DSCAM: variants seen among roughly 807,000 people sequenced by gnomAD.
DSCAM encodes DS cell adhesion molecule.
A neutral mutation model predicts 217.7 loss-of-function variants in DSCAM; 47 were observed. That is an observed-to-expected ratio of 0.22 (90% CI 0.17 to 0.28). DSCAM has a LOEUF of 0.28. Among genes scored for constraint, DSCAM ranks in the 10% least tolerant of loss-of-function variants. The pLI is 1.00. For missense variants in DSCAM, 2,080 were observed against 2,618.3 expected (o/e 0.79, Z 4.49); for synonymous variants, 1,056 against 1,015.3 (o/e 1.04, Z -0.76).
intron 11 of DSCAM, among the ~76,000 whole-genome samples, chr21:40,266,671 A>ATATATATATATATAT (rs1555896542): frequency 8.6e-6 from 1 of 115,930 alleles, no homozygotes; most frequent in Non-Finnish European, 1.7e-5. Context: ...ATATATATAT[A>ATATATATATATATAT]ATCTTGAAAT....
intron 3 of DSCAM, among the ~76,000 whole-genome samples, chr21:40,633,198 T>C (rs1050311000): frequency 2.6e-5 from 4 of 152,232 alleles, no homozygotes; most frequent in African/African-American, 7.2e-5. Flanking sequence ...TTCCAACCAA[T>C]GTGATACTTG....
chr21:40,189,018 G>C, intron 12 of DSCAM, 24 bp downstream of exon 12: 1 of 1,608,266 alleles, frequency 6.2e-7, no homozygotes, highest in African/African-American at 1.3e-5. Flanking sequence ...TCATTCCATT[G>C]TGTTGTATTT....
At chr21:40,375,011 T>G (rs1035358646) in intron 3 of DSCAM, among the ~76,000 whole-genome samples, 1 of 152,240 alleles carries the variant, frequency 6.6e-6, no homozygotes, top group Non-Finnish European at 1.5e-5. Context: ...ACTCAGGGAC[T>G]TTCCCCAAAA....
intron 3 of DSCAM, among the ~76,000 whole-genome samples, chr21:40,412,381 G>C (rs1287510249): frequency 2.6e-5 from 4 of 152,214 alleles, no homozygotes; most frequent in African/African-American, 9.7e-5. Context: ...GAACTCCCTA[G>C]AGCCTAGTTG....
intron 1 of DSCAM, among the ~76,000 whole-genome samples, chr21:40,739,968 T>A (rs1337276697): frequency 7.4e-6 from 1 of 134,732 alleles, no homozygotes; most frequent in African/African-American, 2.8e-5. Context: ...TTTTTTTTTT[T>A]TTTTTTTTTT....
chr21:40,750,629 A>G (rs2091218431), intron 1 of DSCAM, among the ~76,000 whole-genome samples: 1 of 151,810 alleles, frequency 6.6e-6, no homozygotes, highest in South Asian at 2.1e-4. Context: ...AAACTTCTAC[A>G]CCCAACTGCC....
chr21:40,561,373 G>GTGTA (rs2076719372), intron 3 of DSCAM, among the ~76,000 whole-genome samples: 2 of 152,194 alleles, frequency 1.3e-5, no homozygotes, highest in Admixed American at 1.3e-4. Flanking sequence ...AGATTCCTGT[G>GTGTA]TGTATGCTGA....
At chr21:40,089,586 T>C (rs1464897298) in intron 21 of DSCAM, among the ~76,000 whole-genome samples, 1 of 152,210 alleles carries the variant, frequency 6.6e-6, no homozygotes, top group Non-Finnish European at 1.5e-5. Context: ...ATCTGAATTT[T>C]GGACCCTGCT....
intron 3 of DSCAM, among the ~76,000 whole-genome samples, chr21:40,394,719 G>T (rs542400226): frequency 6.6e-6 from 1 of 152,168 alleles, no homozygotes. Flanking sequence ...CCTTGATCTT[G>T]GGCTGAGGTT....
chr21:40,046,843 C>T (rs1032711489), intron 30 of DSCAM, among the ~76,000 whole-genome samples: 4 of 151,778 alleles, frequency 2.6e-5, no homozygotes, highest in African/African-American at 9.7e-5. Flanking sequence ...TCCCCCAAAC[C>T]TTGACCCTCA....
chr21:40,669,840 A>C (rs763792183), intron 3 of DSCAM, among the ~76,000 whole-genome samples: 4 of 152,074 alleles, frequency 2.6e-5, no homozygotes, highest in Non-Finnish European at 5.9e-5. Context: ...CAAAGTGCTG[A>C]GATTACAGGC....
At chr21:40,745,337 G>T (rs1427037952) in intron 1 of DSCAM, among the ~76,000 whole-genome samples, 2 of 152,106 alleles carry the variant, frequency 1.3e-5, no homozygotes, top group Non-Finnish European at 2.9e-5. Context: ...AACCCAAAGA[G>T]AAATTAACCA....
intron 1 of DSCAM, among the ~76,000 whole-genome samples, chr21:40,764,870 T>C (rs1158964646): frequency 6.6e-6 from 1 of 152,072 alleles, no homozygotes; most frequent in African/African-American, 2.4e-5. Flanking sequence ...AAACACCACA[T>C]GTTCTCACTC....
chr21:40,442,470 T>C (rs2837626), intron 3 of DSCAM, among the ~76,000 whole-genome samples: 33,301 of 148,714 alleles, frequency 0.22, 3,797 homozygotes, highest in Admixed American at 0.28. Flanking sequence ...TATTCAATAA[T>C]TTATAAAAAG....
chr21:40,121,470 C>A (rs1230682413), intron 20 of DSCAM, among the ~76,000 whole-genome samples: 1 of 151,960 alleles, frequency 6.6e-6, no homozygotes, highest in Non-Finnish European at 1.5e-5. Flanking sequence ...GTTTTTAGTT[C>A]ACTTCACTTC....
chr21:40,490,779 A>T (rs2076070461), intron 3 of DSCAM, among the ~76,000 whole-genome samples: 1 of 152,238 alleles, frequency 6.6e-6, no homozygotes, highest in African/African-American at 2.4e-5. Flanking sequence ...TGGACATGAA[A>T]ATGTGTCAGT....
chr21:40,492,841 C>T (rs1019486773), intron 3 of DSCAM, among the ~76,000 whole-genome samples: 24 of 151,972 alleles, frequency 1.6e-4, no homozygotes, highest in African/African-American at 5.3e-4. Flanking sequence ...TAAAACTTTC[C>T]AAATCTAGGG....
At chr21:40,616,119 G>A (rs1359235735) in intron 3 of DSCAM, among the ~76,000 whole-genome samples, 1 of 152,126 alleles carries the variant, frequency 6.6e-6, no homozygotes, top group Non-Finnish European at 1.5e-5. Flanking sequence ...AACTGAACTT[G>A]TCTGACTTTA....
chr21:40,100,063 AG>A (rs1349937060), intron 20 of DSCAM, among the ~76,000 whole-genome samples: 1 of 152,216 alleles, frequency 6.6e-6, no homozygotes, highest in African/African-American at 2.4e-5. Flanking sequence ...TTGACCCTAG[AG>A]GACAGAGCAA....
Sources: allele counts gnomAD v4.1 joint callset (sites outside exome capture counted in the v4.1 genomes callset), GRCh38; gene constraint gnomAD v4.1.1; transcripts MANE v1.5; gene names NCBI Gene and HGNC (gene_info 2026-07-23, HGNC 2026-07-21).